Variants in SYN2 observed in about 807,000 individuals in gnomAD.
SYN2 encodes synapsin-2.
SYN2 carries 19 observed loss-of-function variants against 50.9 expected under a neutral mutation model. That is an observed-to-expected ratio of 0.37 (90% CI 0.26 to 0.55). The LOEUF (loss-of-function observed/expected upper bound fraction) is 0.55, where lower values mean the gene tolerates loss of function less well. Among genes scored for constraint, SYN2 ranks in the 20% least tolerant of loss-of-function variants. SYN2 has a pLI of 0.81. For synonymous variants in SYN2, 255 were observed against 224.9 expected, an observed-to-expected ratio of 1.13 and a Z score of -1.20; for missense variants, 587 against 576.4, an observed-to-expected ratio of 1.02 and a Z score of -0.19.
chr3:12,087,315 C>T (rs1298108004), intron 1 of SYN2, among the ~76,000 whole-genome samples: 1 of 151,896 alleles, frequency 6.6e-6, no homozygotes, highest in Admixed American at 6.6e-5. Flanking sequence ...CAGTGTAATC[C>T]CTATTGAAAT....
chr3:12,126,727 A>G (rs1038909282), intron 1 of SYN2, among the ~76,000 whole-genome samples: 3 of 152,168 alleles, frequency 2.0e-5, no homozygotes, highest in African/African-American at 7.2e-5. Context: ...AATTTGGGAG[A>G]TAATGCTATC....
At chr3:12,075,536 C>T (rs1053627070) in intron 1 of SYN2, among the ~76,000 whole-genome samples, 2 of 152,032 alleles carry the variant, frequency 1.3e-5, no homozygotes, top group African/African-American at 4.8e-5. Flanking sequence ...ATGAAATAAC[C>T]TGCAGTCCAC....
intron 1 of SYN2, among the ~76,000 whole-genome samples, chr3:12,066,473 T>C (rs748509628): frequency 6.6e-6 from 1 of 152,204 alleles, no homozygotes; most frequent in Non-Finnish European, 1.5e-5. Flanking sequence ...TCTTATTAAA[T>C]TGTAAGGCAT....
chr3:12,090,329 T>C (rs559620425), intron 1 of SYN2, among the ~76,000 whole-genome samples: 1 of 152,048 alleles, frequency 6.6e-6, no homozygotes, highest in South Asian at 2.1e-4. Context: ...TTTATGAATG[T>C]ATAAACGAAA....
At chr3:12,167,383 A>T in intron 8 of SYN2, 75 bp downstream of exon 8, 1 of 1,471,350 alleles carries the variant, frequency 6.8e-7, no homozygotes, top group Non-Finnish European at 9.3e-7. Context: ...TTTAGGAATT[A>T]AGCTCTGTCC....
At chr3:12,007,000 C>T (rs1040529985) in intron 1 of SYN2, among the ~76,000 whole-genome samples, 6 of 152,166 alleles carry the variant, frequency 3.9e-5, no homozygotes, top group African/African-American at 1.4e-4. Context: ...ATTAAATGCA[C>T]TTGTTTTGAG....
Position 12,190,499 on chromosome 3 carries a change from G to A in SYN2, c.1623G>A (p.Gln541=), listed in dbSNP as rs751298304. 1.2e-6 allele frequency: 2 copies of A among 1,613,766 alleles called. No homozygotes were observed. Among genetic ancestry groups the A allele is most frequent in the Admixed American group, 3.3e-5 (2 of 59,964 alleles). ...GGTTTTTATCTTCAAGCAAGTCGCA[G>A]TCCCTGACAAATGCCTTCAGCTTCT... ...PQPHPQLNKS[Q]SLTNAFSFSE... Residue 541 remains glutamine, a synonymous_variant, in exon 13 of 13, where the codon CAG becomes CAA. Coordinates refer to ENST00000621198, the MANE Select transcript of SYN2 (RefSeq NM_133625.6).
At chr3:12,054,430 T>A (rs1464749547) in intron 1 of SYN2, among the ~76,000 whole-genome samples, 1 of 152,116 alleles carries the variant, frequency 6.6e-6, no homozygotes, top group East Asian at 1.9e-4. Context: ...ACACAGAAGG[T>A]TTAACTACAT....
At chr3:12,097,628 A>G (rs1695967890) in intron 1 of SYN2, among the ~76,000 whole-genome samples, 2 of 151,718 alleles carry the variant, frequency 1.3e-5, no homozygotes, top group Admixed American at 1.3e-4. Context: ...AAAAAGAAAG[A>G]AAAAAGAAAA....
intron 1 of SYN2, among the ~76,000 whole-genome samples, chr3:12,025,110 G>A (rs1694227653): frequency 6.6e-6 from 1 of 152,186 alleles, no homozygotes; most frequent in Non-Finnish European, 1.5e-5. Context: ...CCCCTACATG[G>A]TGAAGGGAGA....
chr3:12,118,323 A>G (rs1172949232), intron 1 of SYN2, among the ~76,000 whole-genome samples: 2 of 152,218 alleles, frequency 1.3e-5, no homozygotes, highest in South Asian at 2.1e-4. Context: ...CAGCACTTCA[A>G]GAGGCTGAGG....
intron 1 of SYN2, among the ~76,000 whole-genome samples, chr3:12,094,424 T>C (rs1695886915): frequency 2.0e-5 from 3 of 152,220 alleles, no homozygotes; most frequent in Admixed American, 6.5e-5. Context: ...TATAACAGCC[T>C]AAAGATAGGA....
chr3:12,190,101 T>G (rs1574899872), intron 12 of SYN2, among the ~76,000 whole-genome samples: 1 of 152,252 alleles, frequency 6.6e-6, no homozygotes, highest in South Asian at 2.1e-4. Flanking sequence ...CCATTGTGAC[T>G]TCTTTTCATC....
At chr3:12,174,896 T>C (rs1055376672) in intron 10 of SYN2, among the ~76,000 whole-genome samples, 3 of 152,234 alleles carry the variant, frequency 2.0e-5, no homozygotes, top group African/African-American at 7.2e-5. Context: ...TAGCACTCAC[T>C]ATCAGTTGAG....
rs60746238 is a variant in SYN2, at chr3:12,039,549, A to ATTTTTTTTTTTTTTTTTTTTTTTT, written c.377+34622_377+34645dup. On this transcript the variant is annotated intron_variant, in intron 1 of 12. Transcript: ENST00000621198. ...CAGATGAGAAAACAAAGAAGCAAAG[A>ATTTTTTTTTTTTTTTTTTTTTTTT]TTTTTTTTTTTTTTTTTTTTTTTTG... Among the ~76,000 whole-genome samples the ATTTTTTTTTTTTTTTTTTTTTTTT allele has an allele frequency of 5.9e-5, 7 of 118,008 alleles. 1 individual carries two copies. Among genetic ancestry groups the ATTTTTTTTTTTTTTTTTTTTTTTT allele is most frequent in the Non-Finnish European group, 1.0e-4 (6 of 58,874 alleles). The allele number at this position is 118,008 out of a possible 152,430, so 77.4% of individuals were successfully genotyped here.
chr3:12,017,514 G>C (rs1045851585), intron 1 of SYN2, among the ~76,000 whole-genome samples: 4 of 152,040 alleles, frequency 2.6e-5, no homozygotes, highest in Non-Finnish European at 5.9e-5. Context: ...TGAACACCTT[G>C]GTATTTCTTT....
At chr3:12,049,922 G>A (rs1159620887) in intron 1 of SYN2, among the ~76,000 whole-genome samples, 1 of 152,126 alleles carries the variant, frequency 6.6e-6, no homozygotes, top group Non-Finnish European at 1.5e-5. Context: ...AATCTCGACA[G>A]TTTTTGTTTG....
intron 1 of SYN2, among the ~76,000 whole-genome samples, chr3:12,061,977 A>G (rs1199594663): frequency 3.3e-5 from 5 of 152,048 alleles, no homozygotes; most frequent in Non-Finnish European, 5.9e-5. Flanking sequence ...TGGAATCCCA[A>G]TCAAAATCCC....
At chr3:12,020,797 G>T (rs574785985) in intron 1 of SYN2, among the ~76,000 whole-genome samples, 1 of 152,090 alleles carries the variant, frequency 6.6e-6, no homozygotes, top group African/African-American at 2.4e-5. Flanking sequence ...GTGCTGTAAC[G>T]CGAGCACAAG....
Sources: allele counts gnomAD v4.1 joint callset (sites outside exome capture counted in the v4.1 genomes callset), GRCh38; gene constraint gnomAD v4.1.1; transcripts MANE v1.5; gene names NCBI Gene and HGNC (gene_info 2026-07-23, HGNC 2026-07-21).